Variants in CDH23 observed in about 807,000 individuals in gnomAD.
CDH23 encodes cadherin related 23, also known as cadherin-23.
A neutral mutation model predicts 317.1 loss-of-function variants in CDH23; 189 were observed. That is an observed-to-expected ratio of 0.60 (90% confidence interval 0.53 to 0.67). The LOEUF (loss-of-function observed/expected upper bound fraction) is 0.67, where lower values mean the gene tolerates loss of function less well. CDH23 is among the 30% of genes least tolerant of loss of function. The pLI, the probability that CDH23 is intolerant of heterozygous loss-of-function variation, is 0.00. For missense variants in CDH23, 4,401 were observed against 4,592.4 expected (o/e 0.96, Z 1.20); for synonymous variants, 1,839 against 1,876.8 (o/e 0.98, Z 0.52).
chr10:71,783,942 C>G (rs1000216321), intron 41 of CDH23, among the ~76,000 whole-genome samples: 2 of 152,184 alleles, frequency 1.3e-5, no homozygotes, highest in African/African-American at 4.8e-5. Flanking sequence ...ACAGTGGGTG[C>G]TAGTGTAGCA....
intron 34 of CDH23, among the ~76,000 whole-genome samples, chr10:71,736,691 A>C (rs566876081): frequency 1.3e-5 from 2 of 152,196 alleles, no homozygotes; most frequent in Non-Finnish European, 2.9e-5. Flanking sequence ...CACCAAGATC[A>C]GAGCAGTAGT....
chr10:71,803,102 G>A (rs779413173), intron 54 of CDH23, 27 bp downstream of exon 54: 16 of 1,524,656 alleles, frequency 1.0e-5, no homozygotes, highest in Non-Finnish European at 1.3e-5. Flanking sequence ...GGACACCCAT[G>A]ATGTCTTGGG....
chr10:71,812,053 G>C (rs546057140), intron 66 of CDH23, 38 bp downstream of exon 66: 2 of 1,613,936 alleles, frequency 1.2e-6, no homozygotes, highest in Non-Finnish European at 8.5e-7. Context: ...CCCCTGCGGG[G>C]AGTCCTGCCA....
Position 71,751,148 on chromosome 10 carries a change from G to C in CDH23, c.4845+9227G>C. The C allele has an allele frequency of 7.5e-7, 1 of 1,338,522 alleles. No homozygotes were observed. The highest frequency in any genetic ancestry group is 1.3e-5 in the South Asian group (1 of 74,158). The allele number at this position is 1,338,522 out of a possible 1,614,324, so 82.9% of individuals were successfully genotyped here. ...CAGTATCTGAGCCCAGAGCAGGAGG[G>C]AGGGAACCAGGGCCGAGGCCAAGGA... is the stretch of plus-strand genomic sequence containing the variant. On this transcript the variant is annotated intron_variant, in intron 38 of 69. Coordinates refer to ENST00000224721, the MANE Select transcript of CDH23 (RefSeq NM_022124.6). The surrounding 1 kb of genome is among the most constrained non-coding windows in gnomAD (Gnocchi z 4.9).
At chr10:71,478,270 C>T (rs1851892291) in intron 3 of CDH23, among the ~76,000 whole-genome samples, 1 of 152,256 alleles carries the variant, frequency 6.6e-6, no homozygotes, top group African/African-American at 2.4e-5. Context: ...TCACCGTCAT[C>T]TCTTACCACT....
At chr10:71,458,819 G>T (rs1466469935) in intron 3 of CDH23, among the ~76,000 whole-genome samples, 3 of 152,170 alleles carry the variant, frequency 2.0e-5, no homozygotes, top group African/African-American at 7.2e-5. Flanking sequence ...ATGGAGTCTC[G>T]CTCTGTTTCC....
At chr10:71,490,037 A>C (rs2132137558) in intron 3 of CDH23, among the ~76,000 whole-genome samples, 2 of 151,856 alleles carry the variant, frequency 1.3e-5, no homozygotes, top group South Asian at 4.2e-4. Flanking sequence ...GGTGTTTCCT[A>C]TTAGACCCCT....
intron 1 of CDH23, among the ~76,000 whole-genome samples, chr10:71,402,740 T>C (rs1293894133): frequency 1.6e-5 from 2 of 123,972 alleles, no homozygotes; most frequent in Non-Finnish European, 3.6e-5. Flanking sequence ...TGTGTGTGTG[T>C]GTGTGCACGC....
In CDH23 at chr10:71,799,204, C is replaced by T. The variant is rs1240329145; in HGVS notation, c.7148C>T (p.Ala2383Val). 2 of 1,614,050 alleles carry T rather than the reference C, an allele frequency of 1.2e-6. No individual in the cohort carries two copies. The highest frequency in any genetic ancestry group is 1.7e-5 in the Admixed American group (1 of 60,034). ...RASDNGSPPR[A>V]AEIPVYLEIV... ...TCAGACAACGGGTCCCCGCCCCGGG[C>T]AGCTGAGATCCCTGTCTACCTGGAA... The change falls in exon 51 of 70, where the codon GCA becomes GTA. Residue 2383 changes from alanine (A) to valine (V), a missense_variant. Ala to Val is a moderately conservative substitution (Grantham distance 64, BLOSUM62 0). Transcript: ENST00000224721.
rs537867842 is a variant in CDH23, at chr10:71,598,659, A to G, written c.833-16845A>G. Reference sequence around the variant, plus strand: ...TAGGGTGGCCCAGTGGGAAAGACCCAAAAGTCGCTCCTGTGACTTCTCTTT... The same window carrying G: ...TAGGGTGGCCCAGTGGGAAAGACCCGAAAGTCGCTCCTGTGACTTCTCTTT... On this transcript the variant is annotated intron_variant, in intron 9 of 69. Coordinates refer to ENST00000224721, the MANE Select transcript of CDH23 (RefSeq NM_022124.6). 7.2e-5 allele frequency among the ~76,000 whole-genome samples: 11 copies of G among 152,356 alleles called. 1 individual carries two copies. In the South Asian group the frequency reaches 2.3e-3, roughly 32 times the overall value.
At chr10:71,726,535 G>T (rs953872318) in intron 30 of CDH23, among the ~76,000 whole-genome samples, 1 of 152,246 alleles carries the variant, frequency 6.6e-6, no homozygotes, top group African/African-American at 2.4e-5. Context: ...CTGGGTCCTT[G>T]CAACTGCCCT....
chr10:71,806,877 T>C (rs1841745368), intron 57 of CDH23, among the ~76,000 whole-genome samples: 1 of 152,224 alleles, frequency 6.6e-6, no homozygotes, highest in Non-Finnish European at 1.5e-5. Flanking sequence ...TTTATTGATA[T>C]AGGGCTGACA....
chr10:71,697,324 G>A (rs1865428487), intron 22 of CDH23, among the ~76,000 whole-genome samples: 1 of 152,188 alleles, frequency 6.6e-6, no homozygotes, highest in African/African-American at 2.4e-5. Flanking sequence ...CGAGCTATCA[G>A]GGAATGCCTA....
In CDH23 at chr10:71,570,657, G is replaced by T. The variant is rs377054001; in HGVS notation, c.625-133G>T. ...TTCCCTGCTGGAGTGCAAGAGCATGGGTGTGTGTGTGCGTGTGCATGTGTT... is the reference window on the plus strand; with the variant it reads ...TTCCCTGCTGGAGTGCAAGAGCATGTGTGTGTGTGTGCGTGTGCATGTGTT... On this transcript the variant is annotated intron_variant, in intron 7 of 69. Transcript: ENST00000224721. The T allele has an allele frequency of 9.5e-6, 9 of 942,920 alleles. No homozygotes were observed. The East Asian group carries it at 1.4e-4, about 15-fold the overall frequency. 58.4% of individuals were successfully genotyped at this position (942,920 alleles called of 1,614,324 possible). A position where few individuals can be genotyped will look rare whatever the true frequency, so the allele number is the denominator to read the frequency against.
At chr10:71,582,291 G>A (rs1028664447) in intron 9 of CDH23, among the ~76,000 whole-genome samples, 2 of 152,164 alleles carry the variant, frequency 1.3e-5, no homozygotes, top group Non-Finnish European at 2.9e-5. Flanking sequence ...CTTGAAGTGC[G>A]GCTAGTCTGA....
intron 11 of CDH23, among the ~76,000 whole-genome samples, chr10:71,630,304 G>A (rs1861942371): frequency 6.6e-6 from 1 of 152,126 alleles, no homozygotes; most frequent in Non-Finnish European, 1.5e-5. Flanking sequence ...TTACTGGCGT[G>A]AGTCATCGCA....
intron 1 of CDH23, among the ~76,000 whole-genome samples, chr10:71,402,745 G>GTGTGTGTGTGTGTGTGTGTGCA (rs1554820918): frequency 6.8e-6 from 1 of 147,036 alleles, no homozygotes; most frequent in Admixed American, 6.7e-5. Flanking sequence ...GTGTGTGTGT[G>GTGTGTGTGTGTGTGTGTGTGCA]CACGCGCGCG....
intron 41 of CDH23, among the ~76,000 whole-genome samples, chr10:71,783,546 C>T (rs537031162): frequency 3.3e-5 from 5 of 152,318 alleles, no homozygotes; most frequent in Admixed American, 2.0e-4. Context: ...CCTTCCAGGT[C>T]AGCATCTGAG....
rs1271384836 is a variant in CDH23 at position 71,646,400 on chromosome 10, C to G, written c.1291-59C>G. The G allele has an allele frequency of 2.5e-6, 4 of 1,593,228 alleles. No individual in the cohort carries two copies. In the Admixed American group the frequency reaches 6.7e-5, roughly 27 times the overall value. On this transcript the variant is annotated intron_variant, in intron 13 of 69. Transcript: ENST00000224721. ...AAGGCATGGAGAGGACTTACAGGGA[C>G]AAGGACTCTGGGAGGGGACATGTGG...
Sources: gnomAD v4.1 joint callset for allele counts (sites outside exome capture counted in the v4.1 genomes callset) on GRCh38, gnomAD v4.1.1 for gene constraint, Gnocchi (gnomAD v3.1) non-coding constraint, MANE v1.5 for transcripts, NCBI Gene and HGNC (gene_info 2026-07-23, HGNC 2026-07-21) for gene names.